Variants in TRPM7 observed in about 807,000 individuals in gnomAD.
TRPM7 encodes LTRPC ion channel family member 7.
A neutral mutation model predicts 229.7 loss-of-function variants in TRPM7; 134 were observed. The observed-to-expected ratio is 0.58, with a 90% confidence interval of 0.51 to 0.67. The LOEUF (loss-of-function observed/expected upper bound fraction) is 0.67. TRPM7 is among the 30% of genes least tolerant of loss of function. The pLI is 0.00. For missense variants in TRPM7, 1,901 were observed against 2,210.0 expected, an observed-to-expected ratio of 0.86 and a Z score of 2.80; for synonymous variants, 699 against 715.2, an observed-to-expected ratio of 0.98 and a Z score of 0.36.
At position 50,665,227 on chromosome 15, in the gene TRPM7, G is replaced by A. The variant is rs563988874; in HGVS notation, c.4-2181C>T. On this transcript the variant is annotated intron_variant, in intron 1 of 38. Transcript: ENST00000646667. ...CAGCCTAACCAACATGGTGAAACCC[G>A]TCTCTACTAAAAGTACAAAATAAGT... 5.9e-5 allele frequency among the ~76,000 whole-genome samples: 9 copies of A among 151,824 alleles called. No individual in the cohort carries two copies. In the South Asian group the frequency reaches 6.3e-4, roughly 11 times the overall value.
rs779155669 is a variant in TRPM7, at chr15:50,607,296, T to G, written c.2613A>C (p.Thr871=). ...GTTCCATTTGTACAAGAACCACAAA[T>G]GTATAAAGCATCAGAAATCCTAAAT... ...LAYLGFLMLY[T]FVVLVQMEQL... Residue 871 remains threonine, a synonymous_variant, in exon 20 of 39, where the codon ACA becomes ACC. Coordinates refer to ENST00000646667, the MANE Select transcript of TRPM7 (RefSeq NM_017672.6). The G allele has an allele frequency of 1.3e-6, 2 of 1,599,078 alleles. No individual in the cohort carries two copies. Among genetic ancestry groups the G allele is most frequent in the Non-Finnish European group, 1.7e-6 (2 of 1,173,408 alleles).
intron 3 of TRPM7, among the ~76,000 whole-genome samples, chr15:50,654,864 G>C (rs2061515520): frequency 6.7e-6 from 1 of 150,048 alleles, no homozygotes; most frequent in East Asian, 2.0e-4. Context: ...ACCCGGGTGT[G>C]GCAGCAGGCA....
Position 50,609,636 on chromosome 15 carries a change from G to A in TRPM7, c.2525C>T (p.Thr842Met), listed in dbSNP as rs777140899. Reference sequence around the variant, plus strand: ...ATGATAAAAGGCATAAAACTTTCGCGTAATTGGAAGCTTTTTTGATTTCAT... The same window carrying A: ...ATGATAAAAGGCATAAAACTTTCGCATAATTGGAAGCTTTTTTGATTTCAT... ...IQMKSKKLPI[T>M]RKFYAFYHAP... Residue 842 changes from threonine to methionine, a missense_variant, in exon 19 of 39, where the codon ACG (threonine) becomes ATG (methionine). By Grantham distance (81) the Thr-to-Met change is moderately conservative. This residue lies in a region of TRPM7 where 207 missense variants were observed against 241.5 expected (regional missense o/e 0.86). Coordinates refer to ENST00000646667, the MANE Select transcript of TRPM7 (RefSeq NM_017672.6). The A allele has an allele frequency of 2.4e-5, 38 of 1,611,762 alleles. No individual in the cohort carries two copies. Among genetic ancestry groups the A allele is most frequent in the East Asian group, 2.2e-4 (10 of 44,746 alleles).
chr15:50,638,033 A>G (rs1458821486), intron 6 of TRPM7, among the ~76,000 whole-genome samples: 2 of 152,136 alleles, frequency 1.3e-5, no homozygotes, highest in African/African-American at 2.4e-5. Context: ...CCTGGCCAAC[A>G]TGGTGAAACC....
intron 21 of TRPM7, chr15:50,599,515 C>A: frequency 2.6e-6 from 1 of 387,766 alleles, no homozygotes; most frequent in Non-Finnish European, 4.6e-6. Flanking sequence ...TTAAGCTAAG[C>A]AAGTCATGGG....
At position 50,637,530 on chromosome 15, in the gene TRPM7, G is replaced by A; in HGVS notation, c.724C>T (p.His242Tyr). ...TCATCCACCAATATGAAATGGGAAT[G>A]CAGATTATTCAAAACATTCAATTTG... Reference protein sequence around the residue: ...LSKLNVLNNLHSHFILVDDGT... With the variant: ...LSKLNVLNNLYSHFILVDDGT... Residue 242 changes from histidine to tyrosine, a missense_variant, in exon 7 of 39, where the codon CAT becomes TAT. Coordinates refer to ENST00000646667, the MANE Select transcript of TRPM7 (RefSeq NM_017672.6). The A allele has an allele frequency of 1.2e-6, 2 of 1,614,094 alleles. No individual in the cohort carries two copies. Among genetic ancestry groups the A allele is most frequent in the East Asian group, 2.2e-5 (1 of 44,870 alleles).
chr15:50,565,134 A>G (rs901499117), intron 38 of TRPM7, among the ~76,000 whole-genome samples: 10 of 151,748 alleles, frequency 6.6e-5, no homozygotes, highest in Non-Finnish European at 1.2e-4. Context: ...GGCACCCACC[A>G]CCACGCCCAG....
chr15:50,578,547 A>G, intron 31 of TRPM7, 92 bp downstream of exon 31: 3 of 1,326,056 alleles, frequency 2.3e-6, no homozygotes, highest in South Asian at 1.3e-5. Flanking sequence ...CTTGAAGTCT[A>G]AAATATCTTA....
At chr15:50,649,087 T>C (rs1345789146) in intron 3 of TRPM7, among the ~76,000 whole-genome samples, 1 of 152,146 alleles carries the variant, frequency 6.6e-6, no homozygotes, top group East Asian at 1.9e-4. Flanking sequence ...TAGTCTAAGA[T>C]GAATTCATCA....
rs548910808 is a variant in TRPM7, at chr15:50,671,892, G to T, written c.4-8846C>A. On this transcript the variant is annotated intron_variant, in intron 1 of 38. Transcript: ENST00000646667. ...TACTTGGGTATTTGTTTTGATATTG[G>T]TGTAAACAAACCTGCACTGCCAGTT... Among the ~76,000 whole-genome samples the T allele has an allele frequency of 7.9e-5, 12 of 152,210 alleles. No homozygotes were observed. The East Asian group carries it at 2.3e-3, about 29-fold the overall frequency.
intron 28 of TRPM7, among the ~76,000 whole-genome samples, chr15:50,584,620 T>TG (rs1209059678): frequency 2.0e-5 from 3 of 151,354 alleles, no homozygotes; most frequent in Admixed American, 6.6e-5. Context: ...ATTTCTGTTT[T>TG]TTTTTTTTTT....
At chr15:50,635,878 C>G (rs2060887197) in intron 7 of TRPM7, among the ~76,000 whole-genome samples, 1 of 151,426 alleles carries the variant, frequency 6.6e-6, no homozygotes, top group African/African-American at 2.4e-5. Context: ...ACTCGGGAGG[C>G]TGAGGGATGA....
intron 3 of TRPM7, among the ~76,000 whole-genome samples, chr15:50,650,815 G>C (rs1039951300): frequency 4.6e-5 from 7 of 152,218 alleles, no homozygotes; most frequent in African/African-American, 1.7e-4. Context: ...GCTATAGCAA[G>C]TCTAAAACTC....
chr15:50,631,796 G>T (rs2060742960), intron 9 of TRPM7, among the ~76,000 whole-genome samples: 1 of 152,072 alleles, frequency 6.6e-6, no homozygotes, highest in Admixed American at 6.6e-5. Context: ...TCCCTTACTA[G>T]AGTAAGAAAT....
At chr15:50,562,333 T>C (rs959742097) in intron 38 of TRPM7, among the ~76,000 whole-genome samples, 3 of 152,158 alleles carry the variant, frequency 2.0e-5, no homozygotes, top group Non-Finnish European at 4.4e-5. Flanking sequence ...TAATTACATA[T>C]TGACCATGAG....
rs117136504 is a variant in TRPM7 at position 50,571,181 on chromosome 15, A to C, written c.5309-1026T>G. On this transcript the variant is annotated intron_variant, in intron 36 of 38. Transcript: ENST00000646667. ...CACAAAAGGAAAAACCAGAATTAAA[A>C]CACGATACTATTTTCCATCCAACAG... Among the ~76,000 whole-genome samples the C allele has an allele frequency of 1.1e-4, 17 of 152,358 alleles. No individual in the cohort carries two copies. In the East Asian group the frequency reaches 3.3e-3, roughly 29 times the overall value.
At chr15:50,654,065 G>GA (rs1242709584) in intron 3 of TRPM7, among the ~76,000 whole-genome samples, 1 of 152,106 alleles carries the variant, frequency 6.6e-6, no homozygotes, top group Non-Finnish European at 1.5e-5. Context: ...ATGGACAAAA[G>GA]AATCTATCAA....
chr15:50,583,429 TGGGGACA>T (rs1231947602), intron 28 of TRPM7, among the ~76,000 whole-genome samples: 8 of 152,172 alleles, frequency 5.3e-5, no homozygotes, highest in Admixed American at 3.3e-4. Context: ...TCACCCTGAC[TGGGGACA>T]GTAAAGGTAA....
At chr15:50,663,987 T>C (rs1472872788) in intron 1 of TRPM7, among the ~76,000 whole-genome samples, 2 of 150,630 alleles carry the variant, frequency 1.3e-5, no homozygotes, top group Admixed American at 6.6e-5. Context: ...AAAAAAAACC[T>C]GAAAAAAAGA....
Sources: allele counts gnomAD v4.1 joint callset (sites outside exome capture counted in the v4.1 genomes callset), GRCh38; gene constraint gnomAD v4.1.1; regional missense constraint gnomAD v4.1.1; transcripts MANE v1.5; gene names NCBI Gene and HGNC (gene_info 2026-07-23, HGNC 2026-07-21).